The following TRIM44 variants were observed in gnomAD, a reference collection of about 807,000 sequenced individuals.
TRIM44 encodes the protein tripartite motif containing 44.
TRIM44 carries 13 observed loss-of-function variants against 37.4 expected under a neutral mutation model. The observed-to-expected ratio is 0.35, with a 90% CI of 0.23 to 0.55. The LOEUF is 0.55. TRIM44 is among the 20% of genes least tolerant of loss of function. TRIM44 has a pLI of 0.89. For missense variants in TRIM44, 426 were observed against 437.2 expected (o/e 0.97, Z 0.23); for synonymous variants, 175 against 157.2 (o/e 1.11, Z -0.85).
chr11:35,703,418 A>C (rs928782952), intron 2 of TRIM44, among the ~76,000 whole-genome samples: 2 of 152,228 alleles, frequency 1.3e-5, no homozygotes, highest in Admixed American at 1.3e-4. Context: ...TGGTTCTCTC[A>C]GCATGCAGCT....
intron 1 of TRIM44, among the ~76,000 whole-genome samples, chr11:35,675,882 C>G (rs2135486017): frequency 6.6e-6 from 1 of 152,124 alleles, no homozygotes; most frequent in African/African-American, 2.4e-5. Context: ...GCTTATGTTT[C>G]ATTGGCCAGA....
chr11:35,686,740 T>C (rs1400429745), intron 2 of TRIM44, among the ~76,000 whole-genome samples: 2 of 152,102 alleles, frequency 1.3e-5, no homozygotes, highest in Non-Finnish European at 2.9e-5. Flanking sequence ...GTGTTTTTAC[T>C]AGCGACAGAG....
intron 4 of TRIM44, among the ~76,000 whole-genome samples, chr11:35,795,597 T>A (rs141514937): frequency 2.2e-3 from 335 of 152,294 alleles, no homozygotes; most frequent in African/African-American, 7.7e-3. Flanking sequence ...AAATGGCCTG[T>A]ACACTAAAAG....
chr11:35,665,681 G>A (rs1349078477), intron 1 of TRIM44, among the ~76,000 whole-genome samples: 5 of 138,456 alleles, frequency 3.6e-5, no homozygotes, highest in South Asian at 5.0e-4. Context: ...TGGAACCTGC[G>A]CCTCCCAGGT....
chr11:35,766,262 C>T (rs114005094), intron 4 of TRIM44, among the ~76,000 whole-genome samples: 2,058 of 152,198 alleles, frequency 0.014, 48 homozygotes, highest in African/African-American at 0.047. Flanking sequence ...TTCATCTGTC[C>T]GTTAATTAGC....
chr11:35,676,462 T>C (rs1331433490), intron 1 of TRIM44, among the ~76,000 whole-genome samples: 1 of 152,204 alleles, frequency 6.6e-6, no homozygotes, highest in Non-Finnish European at 1.5e-5. Flanking sequence ...GAGAAGAGGC[T>C]TCTGTATATT....
chr11:35,705,235 A>G (rs1160902736), intron 2 of TRIM44, among the ~76,000 whole-genome samples: 22 of 151,908 alleles, frequency 1.4e-4, no homozygotes, highest in African/African-American at 5.3e-4. Context: ...ATATGCACCC[A>G]ATACAGGAGC....
intron 4 of TRIM44, among the ~76,000 whole-genome samples, chr11:35,739,601 T>C (rs1852365523): frequency 6.6e-6 from 1 of 152,162 alleles, no homozygotes; most frequent in Non-Finnish European, 1.5e-5. Context: ...GGAATGTCTT[T>C]GTCTCATTCT....
chr11:35,722,070 G>A (rs1852116536), intron 2 of TRIM44, among the ~76,000 whole-genome samples: 1 of 152,216 alleles, frequency 6.6e-6, no homozygotes, highest in African/African-American at 2.4e-5. Context: ...CATAGACACT[G>A]GCAAGTGGGG....
At chr11:35,669,637 A>G (rs191117843) in intron 1 of TRIM44, among the ~76,000 whole-genome samples, 5 of 151,806 alleles carry the variant, frequency 3.3e-5, no homozygotes, top group Middle Eastern at 3.4e-3. Flanking sequence ...CACCATGCCC[A>G]GCTAATTTTT....
At chr11:35,744,157 T>C (rs1394868949) in intron 4 of TRIM44, among the ~76,000 whole-genome samples, 1 of 152,204 alleles carries the variant, frequency 6.6e-6, no homozygotes, top group Non-Finnish European at 1.5e-5. Flanking sequence ...TGTTTTGCCT[T>C]CTTAGGGCTT....
intron 1 of TRIM44, among the ~76,000 whole-genome samples, chr11:35,683,115 T>A (rs1412813906): frequency 6.6e-6 from 1 of 152,182 alleles, no homozygotes; most frequent in East Asian, 1.9e-4. Flanking sequence ...TGATTGTTTC[T>A]GGCAACTTAA....
At position 35,741,804 on chromosome 11, in the gene TRIM44, G is replaced by A. The variant is rs183020859; in HGVS notation, c.1007+6359G>A. On this transcript the variant is annotated intron_variant, in intron 4 of 4. Coordinates refer to ENST00000299413, the MANE Select transcript of TRIM44 (RefSeq NM_017583.6). ...TTTCTTTCAACAAACATCTTAGAGC[G>A]CCTAATGCCAGGCCCTCTGCTAGGC... Among the ~76,000 whole-genome samples, 323 of 152,302 alleles carry A rather than the reference G, an allele frequency of 2.1e-3. 1 individual carries two copies. The highest frequency in any genetic ancestry group is 7.1e-3 in the African/African-American group (294 of 41,562).
At chr11:35,674,940 G>C (rs1851442552) in intron 1 of TRIM44, among the ~76,000 whole-genome samples, 1 of 152,214 alleles carries the variant, frequency 6.6e-6, no homozygotes, top group Non-Finnish European at 1.5e-5. Flanking sequence ...TTTGAGGTAG[G>C]CCTTGAAAGA....
chr11:35,775,142 C>G (rs1399620932), intron 4 of TRIM44, among the ~76,000 whole-genome samples: 1 of 152,142 alleles, frequency 6.6e-6, no homozygotes, highest in African/African-American at 2.4e-5. Context: ...TCTTTTATTT[C>G]ATTGAGCAGT....
Position 35,814,886 on chromosome 11 carries a change from A to T in TRIM44, c.*8501A>T, listed in dbSNP as rs980743979. 1 of 152,116 alleles carries T rather than the reference A, an allele frequency of 6.6e-6. No individual in the cohort carries two copies. Among genetic ancestry groups the T allele is most frequent in the Admixed American group, 6.6e-5 (1 of 15,248 alleles). 9.4% of individuals were successfully genotyped at this position (152,116 alleles called of 1,614,324 possible). On this transcript the variant is annotated 3_prime_UTR_variant, in exon 5 of 5. Transcript: ENST00000299413. ...ATCAGCAGTAGGAAAACGAGGAGGG[A>T]GGGAGAGGGAAATTGTCCACCACTT...
intron 1 of TRIM44, among the ~76,000 whole-genome samples, chr11:35,670,372 A>C (rs1223941256): frequency 6.6e-6 from 1 of 152,232 alleles, no homozygotes; most frequent in East Asian, 1.9e-4. Context: ...GATTCTATCC[A>C]GGACTTCACA....
At chr11:35,723,460 T>A (rs929057798) in intron 2 of TRIM44, among the ~76,000 whole-genome samples, 6 of 152,238 alleles carry the variant, frequency 3.9e-5, no homozygotes, top group African/African-American at 1.4e-4. Flanking sequence ...TGTCTTAGGT[T>A]GGAAAATGCT....
intron 4 of TRIM44, among the ~76,000 whole-genome samples, chr11:35,791,741 G>A (rs903533027): frequency 3.7e-4 from 57 of 152,120 alleles, no homozygotes; most frequent in African/African-American, 9.7e-5. Flanking sequence ...AACACTCAGT[G>A]ATAAAGTCTT....
Sources: allele counts gnomAD v4.1 joint callset (sites outside exome capture counted in the v4.1 genomes callset), GRCh38; gene constraint gnomAD v4.1.1; transcripts MANE v1.5; gene names NCBI Gene and HGNC (gene_info 2026-07-23, HGNC 2026-07-21).